The following MYO7B variants were observed in gnomAD, a reference collection of about 807,000 sequenced individuals.
MYO7B encodes the protein myosin VIIB.
Under a neutral mutation model 259.7 loss-of-function variants are expected in MYO7B, and 212 were observed. The observed-to-expected ratio is 0.82, with a 90% CI of 0.73 to 0.91. The LOEUF (loss-of-function observed/expected upper bound fraction) is 0.91. Among genes scored for constraint, MYO7B ranks in the 40% least tolerant of loss-of-function variants. MYO7B has a pLI of 0.00. For missense variants in MYO7B, 2,732 were observed against 2,813.5 expected, an observed-to-expected ratio of 0.97 and a Z score of 0.66; for synonymous variants, 1,197 against 1,166.4, an observed-to-expected ratio of 1.03 and a Z score of -0.54.
rs1034606670 is a variant in MYO7B at position 127,634,690 on chromosome 2, A to C, written c.5713+7A>C. ...AACAAGCCCCAGAAAGAAGGTGAGGAGGCCTCTGTGGAGCTGGGGGAGGGC... is the reference window on the plus strand; with the variant it reads ...AACAAGCCCCAGAAAGAAGGTGAGGCGGCCTCTGTGGAGCTGGGGGAGGGC... On this transcript the variant is annotated splice_region_variant and intron_variant, in intron 42 of 47. Transcript: ENST00000409816. 1.7e-5 allele frequency: 28 copies of C among 1,607,700 alleles called. No homozygotes were observed. Among genetic ancestry groups the C allele is most frequent in the South Asian group, 1.1e-5 (1 of 90,338 alleles).
At chr2:127,588,964 AGTGG>A (rs1679420561) in intron 15 of MYO7B, among the ~76,000 whole-genome samples, 1 of 77,034 alleles carries the variant, frequency 1.3e-5, no homozygotes, top group Non-Finnish European at 2.5e-5. Context: ...TAGATGGGTG[AGTGG>A]GTGGATGGGT....
chr2:127,561,573 T>C (rs1678088076), intron 2 of MYO7B, among the ~76,000 whole-genome samples: 1 of 152,152 alleles, frequency 6.6e-6, no homozygotes, highest in South Asian at 2.1e-4. Context: ...AGAGGGCCCA[T>C]GTGGTTGTTG....
rs79702726 is a variant in MYO7B, at chr2:127,602,999, C to A, written c.2340-2845C>A. On this transcript the variant is annotated intron_variant, in intron 19 of 47. Transcript: ENST00000409816. ...TAGGCGACAGAGTGAGACCTTGTCT[C>A]AAAAAAAAAAAAAAAGTAACTCCTA... Among the ~76,000 whole-genome samples the A allele has an allele frequency of 3.8e-3, 455 of 120,540 alleles. 2 individuals carry two copies. The highest frequency in any genetic ancestry group is 5.6e-3 in the Admixed American group (66 of 11,764). 79.1% of individuals were successfully genotyped at this position (120,540 alleles called of 152,430 possible).
intron 25 of MYO7B, 74 bp from the exon 26 acceptor site, chr2:127,612,402 C>T: frequency 6.5e-7 from 1 of 1,544,718 alleles, no homozygotes; most frequent in East Asian, 2.4e-5. Context: ...TTGCTTCCCT[C>T]CCTGTGCACC....
At position 127,612,727 on chromosome 2, in the gene MYO7B, G is replaced by A. The variant is rs142353130; in HGVS notation, c.3398+124G>A. ...CTCCTTGTCCTGCGGCCTGCAGGCTGGGTCTCAGGACAGCAGATGTCATAG... is the reference window on the plus strand; with the variant it reads ...CTCCTTGTCCTGCGGCCTGCAGGCTAGGTCTCAGGACAGCAGATGTCATAG... On this transcript the variant is annotated intron_variant, in intron 26 of 47. Transcript: ENST00000409816. 476 of 1,409,458 alleles carry A rather than the reference G, an allele frequency of 3.4e-4. 1 individual carries two copies. The African/African-American group carries it at 6.1e-3, about 18-fold the overall frequency. The allele number at this position is 1,409,458 out of a possible 1,614,324, so 87.3% of individuals were successfully genotyped here.
chr2:127,618,076 C>T (rs967918198), intron 26 of MYO7B, among the ~76,000 whole-genome samples: 10 of 152,124 alleles, frequency 6.6e-5, no homozygotes, highest in Admixed American at 6.5e-5. Context: ...TTTATCCCTA[C>T]TTATCTCTAT....
At chr2:127,547,378 T>C (rs1403974268) in intron 1 of MYO7B, among the ~76,000 whole-genome samples, 1 of 152,196 alleles carries the variant, frequency 6.6e-6, no homozygotes, top group Non-Finnish European at 1.5e-5. Context: ...TGTGTGTACA[T>C]GCATGCATGT....
chr2:127,605,903 A>G lies in MYO7B; in HGVS notation c.2399A>G (p.Tyr800Cys), dbSNP rs749722332. 13 of 1,613,766 alleles carry G rather than the reference A, an allele frequency of 8.1e-6. 1 individual carries two copies. The South Asian group carries it at 1.4e-4, about 18-fold the overall frequency. Reference sequence around the variant, plus strand: ...ACCCTGCAGGCCTGGTGGAGAGGCTACTGCAACAGGAGGAATTTCAAGCTG... The same window carrying G: ...ACCCTGCAGGCCTGGTGGAGAGGCTGCTGCAACAGGAGGAATTTCAAGCTG... Reference protein sequence around the residue: ...AVTLQAWWRGYCNRRNFKLIL... With the variant: ...AVTLQAWWRGCCNRRNFKLIL... The change falls in exon 20 of 48, where the codon TAC (tyrosine) becomes TGC (cysteine). Residue 800 changes from tyrosine (Y) to cysteine (C), a missense_variant. By Grantham distance (194) the Tyr-to-Cys change is radical (BLOSUM62 -2). This residue lies in a region of MYO7B where 1,906 missense variants were observed against 2,026.4 expected (regional missense o/e 0.94). Transcript: ENST00000409816.
intron 27 of MYO7B, among the ~76,000 whole-genome samples, chr2:127,621,673 G>A (rs900857589): frequency 9.2e-5 from 14 of 152,184 alleles, no homozygotes; most frequent in African/African-American, 3.4e-4. Context: ...TGGGCATTTA[G>A]AGTCCATCTT....
At chr2:127,608,600 A>C in intron 21 of MYO7B, 108 bp from the exon 22 acceptor site, 1 of 1,205,516 alleles carries the variant, frequency 8.3e-7, no homozygotes. Context: ...TGATGGCAGG[A>C]TGAGGCTTAC....
chr2:127,637,010 G>A, intron 47 of MYO7B, 97 bp downstream of exon 47: 1 of 1,550,998 alleles, frequency 6.4e-7, no homozygotes, highest in South Asian at 1.2e-5. Context: ...CTCACTAAGA[G>A]GGCTCAGTCA....
At chr2:127,575,123 G>A (rs560535978) in intron 7 of MYO7B, among the ~76,000 whole-genome samples, 2 of 152,326 alleles carry the variant, frequency 1.3e-5, no homozygotes, top group South Asian at 2.1e-4. Context: ...AGCTGAGAAG[G>A]AAGGTCACAT....
chr2:127,552,188 G>A (rs527405435), intron 1 of MYO7B, among the ~76,000 whole-genome samples: 22 of 152,122 alleles, frequency 1.4e-4, no homozygotes, highest in Non-Finnish European at 2.8e-4. Flanking sequence ...TTTAATTGAC[G>A]CATAATAATT....
In MYO7B at chr2:127,627,305, C is replaced by A; in HGVS notation, c.4455C>A (p.Thr1485=). ...TCCCAGAGGTCATGGGTCTGGCCACCAACAGGTGCGGGCCCTGAGGGAAGA... is the reference window on the plus strand; with the variant it reads ...TCCCAGAGGTCATGGGTCTGGCCACAAACAGGTGCGGGCCCTGAGGGAAGA... ...LSFPEVMGLA[T]NREAQGGQRL... The change falls in exon 33 of 48, where the codon ACC becomes ACA. Residue 1485 remains threonine, a synonymous_variant. Transcript: ENST00000409816. This position sits in a 1 kb window ranked among gnomAD's most constrained non-coding sequence, Gnocchi z 5.6. 1 of 1,612,906 alleles carries A rather than the reference C, an allele frequency of 6.2e-7. No individual in the cohort carries two copies. Among genetic ancestry groups the A allele is most frequent in the Non-Finnish European group, 8.5e-7 (1 of 1,179,766 alleles).
chr2:127,564,122 A>G, intron 2 of MYO7B, 31 bp from the exon 3 acceptor site: 2 of 1,431,638 alleles, frequency 1.4e-6, no homozygotes, highest in Non-Finnish European at 1.9e-6. Context: ...GAGAGCGGGG[A>G]TCACACCACT....
At chr2:127,563,988 A>C (rs1225941664) in intron 2 of MYO7B, among the ~76,000 whole-genome samples, 165 bp from the exon 3 acceptor site, 1 of 152,188 alleles carries the variant, frequency 6.6e-6, no homozygotes, top group Non-Finnish European at 1.5e-5. Context: ...CCCAGTGAGC[A>C]GGGAGAAAGA....
rs1057297364 is a variant in MYO7B at position 127,588,269 on chromosome 2, TG to T, written c.1691-119del. 3 of 1,117,632 alleles carry T rather than the reference TG, an allele frequency of 2.7e-6. No individual in the cohort carries two copies. The African/African-American group carries it at 4.6e-5, about 17-fold the overall frequency. 69.2% of individuals were successfully genotyped at this position (1,117,632 alleles called of 1,614,324 possible). On this transcript the variant is annotated intron_variant, in intron 14 of 47. Transcript: ENST00000409816. ...AGAGGGGTGGAGAGCATGGCCGTAG[TG>T]GGGCCATTGTAGGAGGGGGCTCCTC...
chr2:127,588,705 A>C (rs1363709465), intron 15 of MYO7B, 150 bp downstream of exon 15: 9 of 823,990 alleles, frequency 1.1e-5, no homozygotes, highest in Non-Finnish European at 1.6e-5. Flanking sequence ...GGATGGGTGA[A>C]TGGATGGGTG....
chr2:127,568,760 G>A (rs1678462300), intron 5 of MYO7B, among the ~76,000 whole-genome samples: 3 of 152,154 alleles, frequency 2.0e-5, no homozygotes, highest in Admixed American at 2.0e-4. Context: ...AGCCAGGCTT[G>A]GTGGCCGACG....
Sources: allele counts gnomAD v4.1 joint callset (sites outside exome capture counted in the v4.1 genomes callset), GRCh38; gene constraint gnomAD v4.1.1; regional missense constraint gnomAD v4.1.1; non-coding constraint Gnocchi (gnomAD v3.1); transcripts MANE v1.5; gene names NCBI Gene and HGNC (gene_info 2026-07-23, HGNC 2026-07-21).